The following TRAF3 variants were observed in gnomAD, a reference collection of about 807,000 sequenced individuals.
TRAF3 encodes the protein TNF receptor-associated factor 3.
In TRAF3, 13 loss-of-function variants were observed where a neutral mutation model predicts 62.3. That is an observed-to-expected ratio of 0.21 (90% CI 0.14 to 0.33). TRAF3 has a LOEUF of 0.33. Among genes scored for constraint, TRAF3 ranks in the 10% least tolerant of loss-of-function variants. The pLI, the probability that TRAF3 is intolerant of heterozygous loss-of-function variation, is 1.00. For synonymous variants in TRAF3, 269 were observed against 283.4 expected (o/e 0.95, Z 0.51); for missense variants, 440 against 741.8 (o/e 0.59, Z 4.73).
At chr14:102,841,186 A>C (rs981055966) in intron 2 of TRAF3, among the ~76,000 whole-genome samples, 2 of 152,212 alleles carry the variant, frequency 1.3e-5, no homozygotes, top group African/African-American at 4.8e-5. Flanking sequence ...ATACAGGAGA[A>C]ATTGGGGAGG....
At chr14:102,778,667 GCTT>G (rs1897142290) in intron 1 of TRAF3, among the ~76,000 whole-genome samples, 3 of 152,252 alleles carry the variant, frequency 2.0e-5, no homozygotes, top group South Asian at 2.1e-4. Context: ...CGTTGTAGCG[GCTT>G]CTTAATTTAC....
chr14:102,848,032 G>A (rs1031567837), intron 2 of TRAF3, among the ~76,000 whole-genome samples: 1 of 152,130 alleles, frequency 6.6e-6, no homozygotes, highest in Non-Finnish European at 1.5e-5. Context: ...TCCCTAGAAG[G>A]TTCCCCACTG....
intron 2 of TRAF3, among the ~76,000 whole-genome samples, chr14:102,869,601 T>C (rs1437073313): frequency 6.6e-6 from 1 of 151,702 alleles, no homozygotes; most frequent in Non-Finnish European, 1.5e-5. Context: ...GGTCAGGAGA[T>C]TGAGATCATC....
intron 6 of TRAF3, 94 bp downstream of exon 6, chr14:102,876,619 A>G: frequency 2.0e-6 from 3 of 1,506,160 alleles, no homozygotes; most frequent in East Asian, 2.4e-5. Flanking sequence ...TCCGTTCCAC[A>G]GGCCTTCCCT....
At chr14:102,800,991 C>A (rs1898375258) in intron 1 of TRAF3, among the ~76,000 whole-genome samples, 1 of 148,026 alleles carries the variant, frequency 6.8e-6, no homozygotes, top group South Asian at 2.1e-4. Context: ...ACGGTGAAAC[C>A]CCGTCTCTAC....
intron 1 of TRAF3, among the ~76,000 whole-genome samples, chr14:102,797,739 C>CT (rs35788620): frequency 0.3 from 42,968 of 142,198 alleles, 6,557 homozygotes; most frequent in South Asian, 0.46. Flanking sequence ...CTTTTTCTTT[C>CT]TTTTTTTTTT....
chr14:102,834,280 A>G (rs1447689139), intron 2 of TRAF3, among the ~76,000 whole-genome samples: 1 of 152,146 alleles, frequency 6.6e-6, no homozygotes, highest in African/African-American at 2.4e-5. Flanking sequence ...GAGAGCCCAG[A>G]AATAAGGCTG....
chr14:102,830,657 A>C lies in TRAF3; in HGVS notation c.-18+185A>C, dbSNP rs565122421. 6.6e-5 allele frequency among the ~76,000 whole-genome samples: 10 copies of C among 152,298 alleles called. 3 individuals carry two copies. The highest frequency in any genetic ancestry group is 2.2e-4 in the African/African-American group (9 of 41,566). ...TGCTGGAGTCACCCATAGGAGGGGC[A>C]AAGGGCATGACCTCTGCCCTTAACG... is the stretch of plus-strand genomic sequence containing the variant. On this transcript the variant is annotated intron_variant, in intron 2 of 11. Transcript: ENST00000392745.
chr14:102,886,044 C>A, intron 6 of TRAF3, 145 bp from the exon 7 acceptor site: 1 of 688,516 alleles, frequency 1.5e-6, no homozygotes, highest in Non-Finnish European at 2.6e-6. Flanking sequence ...ACAATAATGA[C>A]TCAGCCATAC....
chr14:102,801,713 T>A (rs548382268), intron 1 of TRAF3, among the ~76,000 whole-genome samples: 79 of 151,958 alleles, frequency 5.2e-4, no homozygotes, highest in Non-Finnish European at 7.9e-4. Flanking sequence ...TTAAAAAAAA[T>A]TTTTAATTAA....
chr14:102,908,004 C>T lies in TRAF3; in HGVS notation c.*2220C>T, dbSNP rs1890669518. On this transcript the variant is annotated 3_prime_UTR_variant, in exon 12 of 12. Coordinates refer to ENST00000392745, the MANE Select transcript of TRAF3 (RefSeq NM_145725.3). ...CCCTACCTGCCCTCAGGTAGTTTTC[C>T]TGAGGCCAGGGGTTAACAACAGGGA... is the stretch of plus-strand genomic sequence containing the variant. 6.6e-6 allele frequency: 1 copy of T among 152,292 alleles called. No individual in the cohort carries two copies. Among genetic ancestry groups the T allele is most frequent in the Non-Finnish European group, 1.5e-5 (1 of 68,060 alleles). 9.4% of individuals were successfully genotyped at this position (152,292 alleles called of 1,614,324 possible).
chr14:102,848,063 T>TG (rs1448703586), intron 2 of TRAF3, among the ~76,000 whole-genome samples: 5 of 152,166 alleles, frequency 3.3e-5, no homozygotes, highest in African/African-American at 1.2e-4. Context: ...ACAGGCAGCC[T>TG]GGGGGTGTGA....
chr14:102,875,228 G>A (rs761189083), intron 4 of TRAF3, among the ~76,000 whole-genome samples: 9 of 152,166 alleles, frequency 5.9e-5, no homozygotes, highest in Non-Finnish European at 1.0e-4. Flanking sequence ...GGTGACAGCT[G>A]CACCATAATG....
At chr14:102,881,217 C>G (rs1432581633) in intron 6 of TRAF3, among the ~76,000 whole-genome samples, 1 of 151,996 alleles carries the variant, frequency 6.6e-6, no homozygotes, top group Non-Finnish European at 1.5e-5. Flanking sequence ...AACCCCATCT[C>G]TACTTAAAAT....
At chr14:102,815,069 A>G (rs1899432011) in intron 1 of TRAF3, among the ~76,000 whole-genome samples, 1 of 152,022 alleles carries the variant, frequency 6.6e-6, no homozygotes. Context: ...CTGAGTAGCT[A>G]GGGCTACAGG....
chr14:102,803,873 G>A (rs1898601535), intron 1 of TRAF3, among the ~76,000 whole-genome samples: 1 of 152,158 alleles, frequency 6.6e-6, no homozygotes, highest in African/African-American at 2.4e-5. Context: ...TATAATTCTT[G>A]GCTTTGAGGA....
At chr14:102,845,672 T>C (rs1886662546) in intron 2 of TRAF3, among the ~76,000 whole-genome samples, 2 of 151,880 alleles carry the variant, frequency 1.3e-5, no homozygotes, top group Non-Finnish European at 2.9e-5. Flanking sequence ...CCTGCCACCA[T>C]GCGTGGCTAA....
intron 10 of TRAF3, among the ~76,000 whole-genome samples, chr14:102,902,156 A>G (rs1890335566): frequency 6.6e-6 from 1 of 152,260 alleles, no homozygotes; most frequent in Non-Finnish European, 1.5e-5. Context: ...AGTTAAATGA[A>G]GTAGCATAAA....
intron 6 of TRAF3, among the ~76,000 whole-genome samples, chr14:102,885,654 G>C (rs1188980366): frequency 5.3e-5 from 8 of 152,234 alleles, no homozygotes; most frequent in Non-Finnish European, 1.2e-4. Flanking sequence ...GTAGATTAAG[G>C]TTCTAGGTTA....
Sources: gnomAD v4.1 joint callset for allele counts (sites outside exome capture counted in the v4.1 genomes callset) on GRCh38, gnomAD v4.1.1 for gene constraint, MANE v1.5 for transcripts, NCBI Gene and HGNC (gene_info 2026-07-23, HGNC 2026-07-21) for gene names.